Variants in CNTLN observed in about 807,000 individuals in gnomAD.
CNTLN encodes the protein centlein.
Under a neutral mutation model 180.0 loss-of-function variants are expected in CNTLN, and 212 were observed. The ratio of observed to expected loss-of-function variants is 1.18; its 90% confidence interval spans 1.05 to 1.32. CNTLN has a LOEUF of 1.32. Among genes scored for constraint, CNTLN ranks in the 40% most tolerant of loss-of-function variants. CNTLN has a pLI of 0.00. For synonymous variants in CNTLN, 722 were observed against 563.1 expected, an observed-to-expected ratio of 1.28 and a Z score of -3.99; for missense variants, 2,095 against 1,610.9, an observed-to-expected ratio of 1.30 and a Z score of -5.14.
intron 13 of CNTLN, among the ~76,000 whole-genome samples, chr9:17,375,146 G>GCA (rs1824652195): frequency 6.6e-6 from 1 of 152,126 alleles, no homozygotes; most frequent in Non-Finnish European, 1.5e-5. Flanking sequence ...AGGTCATTGT[G>GCA]TTAAGTGAAA....
intron 2 of CNTLN, among the ~76,000 whole-genome samples, chr9:17,214,215 G>C (rs916166171): frequency 2.0e-5 from 3 of 152,142 alleles, no homozygotes; most frequent in Admixed American, 6.5e-5. Context: ...TCCATGTTTA[G>C]TGCTTCCTTC....
chr9:17,424,205 C>T (rs773511484), intron 18 of CNTLN, among the ~76,000 whole-genome samples: 1 of 151,926 alleles, frequency 6.6e-6, no homozygotes, highest in Admixed American at 6.6e-5. Context: ...ATTTTTTCTC[C>T]TTACATATTA....
chr9:17,429,517 A>G (rs1400096646), intron 18 of CNTLN, among the ~76,000 whole-genome samples: 1 of 152,138 alleles, frequency 6.6e-6, no homozygotes, highest in Non-Finnish European at 1.5e-5. Flanking sequence ...AATTAAATTT[A>G]AGGCACTTAG....
At chr9:17,429,929 A>G (rs187858499) in intron 18 of CNTLN, among the ~76,000 whole-genome samples, 41 of 152,170 alleles carry the variant, frequency 2.7e-4, no homozygotes, top group African/African-American at 8.2e-4. Flanking sequence ...TGCTCTTACT[A>G]GTTTCATTTG....
At chr9:17,155,417 A>G (rs1017434353) in intron 2 of CNTLN, among the ~76,000 whole-genome samples, 2 of 152,186 alleles carry the variant, frequency 1.3e-5, no homozygotes, top group Non-Finnish European at 2.9e-5. Flanking sequence ...TAAGTCTGCT[A>G]TAAGCCCCTG....
chr9:17,186,436 T>C (rs937037062), intron 2 of CNTLN, among the ~76,000 whole-genome samples: 6 of 152,332 alleles, frequency 3.9e-5, no homozygotes, highest in Middle Eastern at 3.4e-3. Context: ...ATTTTCTCAA[T>C]TGAGGACATT....
At chr9:17,499,272 A>ATTATGTTCCATCTGACTTTCAGG (rs1348938899) in intron 25 of CNTLN, among the ~76,000 whole-genome samples, 43 of 152,190 alleles carry the variant, frequency 2.8e-4, no homozygotes, top group African/African-American at 1.0e-3. Flanking sequence ...TGAAGATTAA[A>ATTATGTTCCATCTGACTTTCAGG]TTATGTTCCA....
At chr9:17,279,673 CCT>C (rs1290546425) in intron 6 of CNTLN, among the ~76,000 whole-genome samples, 2 of 151,704 alleles carry the variant, frequency 1.3e-5, no homozygotes, top group Non-Finnish European at 2.9e-5. Context: ...TGCTCGAAAC[CCT>C]CTGTTAGTGT....
At chr9:17,267,373 C>G (rs7018705) in intron 5 of CNTLN, among the ~76,000 whole-genome samples, 68,738 of 151,958 alleles carry the variant, frequency 0.45, 16,268 homozygotes, top group South Asian at 0.65. Flanking sequence ...GGCCCCCACT[C>G]TCTTCTGGCT....
At chr9:17,408,793 T>A (rs572567093) in intron 15 of CNTLN, among the ~76,000 whole-genome samples, 1 of 98,800 alleles carries the variant, frequency 1.0e-5, no homozygotes, top group Non-Finnish European at 2.2e-5. Context: ...AGAGCGAGAC[T>A]CTGTCTTAAA....
chr9:17,322,209 G>C (rs532090436), intron 8 of CNTLN, among the ~76,000 whole-genome samples: 27 of 152,128 alleles, frequency 1.8e-4, no homozygotes, highest in African/African-American at 6.5e-4. Flanking sequence ...ATTTTCAGGA[G>C]AGAACAACTT....
Position 17,366,505 on chromosome 9 carries a change from A to T in CNTLN, c.1887-112A>T, listed in dbSNP as rs900237914. ...CTCTTCTCCATTTTATATACATTAA[A>T]ATATCTTTACTGACTTTGATATATT... On this transcript the variant is annotated intron_variant, in intron 12 of 25. Coordinates refer to ENST00000380647, the MANE Select transcript of CNTLN (RefSeq NM_017738.4). 4 of 483,218 alleles carry T rather than the reference A, an allele frequency of 8.3e-6. No individual in the cohort carries two copies. The Admixed American group carries it at 1.6e-4, about 19-fold the overall frequency. 29.9% of individuals were successfully genotyped at this position (483,218 alleles called of 1,614,324 possible). A position where few individuals can be genotyped will look rare whatever the true frequency, so the allele number is the denominator to read the frequency against.
chr9:17,179,259 A>AG (rs1487799057), intron 2 of CNTLN, among the ~76,000 whole-genome samples: 2 of 149,610 alleles, frequency 1.3e-5, no homozygotes, highest in African/African-American at 5.0e-5. Context: ...AAAAAAAAAA[A>AG]AAAAGAAGAA....
chr9:17,296,760 C>T (rs1817969124), intron 6 of CNTLN, among the ~76,000 whole-genome samples: 1 of 151,974 alleles, frequency 6.6e-6, no homozygotes, highest in Non-Finnish European at 1.5e-5. Flanking sequence ...CTGCATGTTT[C>T]AGTTTTTTGA....
At position 17,339,627 on chromosome 9, in the gene CNTLN, T is replaced by C. The variant is rs183085340; in HGVS notation, c.1645-1200T>C. ...TCACTATAATATTAGAGAGTATCTG[T>C]TGCCTCCACCACATAAGTATACAAG... is the stretch of plus-strand genomic sequence containing the variant. On this transcript the variant is annotated intron_variant, in intron 10 of 25. Transcript: ENST00000380647. Among the ~76,000 whole-genome samples, 795 of 152,322 alleles carry C rather than the reference T, an allele frequency of 5.2e-3. 5 individuals carry two copies. The highest frequency in any genetic ancestry group is 8.2e-3 in the Admixed American group (126 of 15,294).
At chr9:17,297,562 A>C (rs16935440) in intron 6 of CNTLN, among the ~76,000 whole-genome samples, 2,702 of 152,198 alleles carry the variant, frequency 0.018, 90 homozygotes, top group African/African-American at 0.062. Context: ...CCACCAGTTC[A>C]TTTGTCCTCC....
chr9:17,257,039 A>C, intron 5 of CNTLN, among the ~76,000 whole-genome samples: 1 of 151,970 alleles, frequency 6.6e-6, no homozygotes, highest in East Asian at 1.9e-4. Flanking sequence ...GGTTAGTTAC[A>C]TATGTATACA....
intron 25 of CNTLN, among the ~76,000 whole-genome samples, chr9:17,488,081 A>G (rs1430666012): frequency 1.3e-5 from 2 of 152,190 alleles, no homozygotes; most frequent in Non-Finnish European, 2.9e-5. Context: ...TTAAAAATAG[A>G]AACTGATATT....
chr9:17,276,178 A>G (rs143386743), intron 6 of CNTLN, among the ~76,000 whole-genome samples: 2 of 152,192 alleles, frequency 1.3e-5, no homozygotes, highest in African/African-American at 4.8e-5. Flanking sequence ...GAGAAGAATA[A>G]TAGCACAGAG....
Sources: gnomAD v4.1 joint callset for allele counts (sites outside exome capture counted in the v4.1 genomes callset) on GRCh38, gnomAD v4.1.1 for gene constraint, MANE v1.5 for transcripts, NCBI Gene and HGNC (gene_info 2026-07-23, HGNC 2026-07-21) for gene names.